The following GRIP1 variants were observed in gnomAD, a reference collection of about 807,000 sequenced individuals.
GRIP1 encodes glutamate receptor-interacting protein 1.
GRIP1 carries 45 observed loss-of-function variants against 129.9 expected under a neutral mutation model. The observed-to-expected ratio is 0.35, with a 90% CI of 0.27 to 0.44. The LOEUF is 0.44. Ranked by LOEUF, GRIP1 falls within the 20% of genes least tolerant of loss-of-function variation. The probability of loss-of-function intolerance (pLI) is 1.00; values close to 1 mark genes in which losing one functional copy is unlikely to be tolerated. For synonymous variants in GRIP1, 530 were observed against 520.8 expected (o/e 1.02, Z -0.24); for missense variants, 1,196 against 1,396.8 (o/e 0.86, Z 2.29).
intron 1 of GRIP1, among the ~76,000 whole-genome samples, chr12:67,022,092 T>A (rs2042875975): frequency 6.6e-6 from 1 of 152,204 alleles, no homozygotes; most frequent in South Asian, 2.1e-4. Flanking sequence ...TTAGCTATTG[T>A]GAATAATGCT....
intron 1 of GRIP1, among the ~76,000 whole-genome samples, chr12:66,809,601 C>T (rs1378478236): frequency 2.0e-5 from 3 of 151,996 alleles, no homozygotes; most frequent in African/African-American, 4.8e-5. Context: ...AATATCCCTT[C>T]TTACTAACTG....
intron 18 of GRIP1, 75 bp from the exon 19 acceptor site, chr12:66,392,577 A>G: frequency 6.4e-7 from 1 of 1,571,360 alleles, no homozygotes; most frequent in African/African-American, 1.3e-5. Flanking sequence ...CCGTGGCTAG[A>G]GATTTGTTTC....
chr12:66,739,736 C>G (rs540492263), intron 1 of GRIP1, among the ~76,000 whole-genome samples: 71 of 150,134 alleles, frequency 4.7e-4, no homozygotes, highest in African/African-American at 1.7e-3. Context: ...TATCCCAGAA[C>G]CTAAAATAAA....
At chr12:66,367,112 C>G (rs1027401) in intron 23 of GRIP1, among the ~76,000 whole-genome samples, 76,816 of 152,090 alleles carry the variant, frequency 0.51, 19,999 homozygotes, top group East Asian at 0.75. Flanking sequence ...ATTAAGTGGA[C>G]ACCAAAGGAT....
At chr12:66,353,382 C>A in intron 24 of GRIP1, 35 bp downstream of exon 24, 4 of 1,515,876 alleles carry the variant, frequency 2.6e-6, no homozygotes, top group Non-Finnish European at 3.7e-6. Context: ...TGAGAAATTA[C>A]TTGCAAGGAA....
At chr12:67,019,410 G>A (rs914014401) in intron 1 of GRIP1, among the ~76,000 whole-genome samples, 6 of 152,290 alleles carry the variant, frequency 3.9e-5, no homozygotes, top group Non-Finnish European at 8.8e-5. Context: ...GGCCCTGACT[G>A]CACAGAACTG....
intron 2 of GRIP1, among the ~76,000 whole-genome samples, chr12:66,545,696 A>G (rs1324076673): frequency 6.6e-6 from 1 of 152,230 alleles, no homozygotes; most frequent in Non-Finnish European, 1.5e-5. Flanking sequence ...ACACTGAACA[A>G]AATGGATACT....
intron 2 of GRIP1, among the ~76,000 whole-genome samples, chr12:66,574,066 G>A (rs748448523): frequency 2.0e-5 from 3 of 152,048 alleles, no homozygotes; most frequent in Non-Finnish European, 4.4e-5. Context: ...AGTTGTTTTT[G>A]CTGTTCTCTT....
At chr12:66,359,750 T>A (rs1041154674) in intron 23 of GRIP1, among the ~76,000 whole-genome samples, 3 of 152,138 alleles carry the variant, frequency 2.0e-5, no homozygotes, top group African/African-American at 7.2e-5. Context: ...TTAACAAAAA[T>A]AAAATTATTT....
chr12:66,856,742 TGGA>T (rs1474289917), intron 1 of GRIP1, among the ~76,000 whole-genome samples: 53 of 151,648 alleles, frequency 3.5e-4, no homozygotes, highest in African/African-American at 1.3e-3. Flanking sequence ...GGAGAGGATG[TGGA>T]GAAATAGGAA....
intron 9 of GRIP1, among the ~76,000 whole-genome samples, chr12:66,461,532 T>C (rs1317034379): frequency 1.3e-5 from 2 of 152,244 alleles, no homozygotes; most frequent in East Asian, 3.8e-4. Flanking sequence ...GCATTGCTAT[T>C]CCAATACTGT....
rs540359264 is a variant in GRIP1 at position 66,526,138 on chromosome 12, A to G, written c.502+3693T>C. The stretch of plus-strand genomic sequence containing the variant: ...TTATAGATTCAATGCCATCCCCAAC[A>G]AGCTACCAATGACTTTCTTCACAGA... On this transcript the variant is annotated intron_variant, in intron 5 of 24. Coordinates refer to ENST00000359742, the MANE Select transcript of GRIP1 (RefSeq NM_001366722.1). 5.9e-5 allele frequency among the ~76,000 whole-genome samples: 9 copies of G among 151,770 alleles called. No homozygotes were observed. In the South Asian group the frequency reaches 1.3e-3, roughly 21 times the overall value.
chr12:66,843,883 A>G lies in GRIP1; in HGVS notation c.58+225167T>C, dbSNP rs531349837. 2.0e-5 allele frequency among the ~76,000 whole-genome samples: 3 copies of G among 152,296 alleles called. No individual in the cohort carries two copies. In the South Asian group the frequency reaches 6.2e-4, roughly 32 times the overall value. On this transcript the variant is annotated intron_variant, in intron 1 of 1. Coordinates refer to the GRIP1 transcript ENST00000643019. Reference sequence around the variant, plus strand: ...AAACTCAGAGAAAAAGTTTTATGACATTAAATTTGAAAATGACTTCTTGGA... The same window carrying G: ...AAACTCAGAGAAAAAGTTTTATGACGTTAAATTTGAAAATGACTTCTTGGA...
At chr12:66,743,820 C>T (rs1565998893) in intron 1 of GRIP1, among the ~76,000 whole-genome samples, 2 of 152,186 alleles carry the variant, frequency 1.3e-5, no homozygotes, top group Admixed American at 6.5e-5. Context: ...GCCACAAGGG[C>T]TACAGCTATG....
intron 1 of GRIP1, among the ~76,000 whole-genome samples, chr12:66,919,344 C>T (rs1380942995): frequency 1.3e-5 from 2 of 152,162 alleles, no homozygotes; most frequent in South Asian, 2.1e-4. Flanking sequence ...GATTATTATA[C>T]TCCTTAGGGA....
chr12:66,556,243 A>G (rs541334434), intron 2 of GRIP1, among the ~76,000 whole-genome samples: 2 of 152,280 alleles, frequency 1.3e-5, no homozygotes, highest in African/African-American at 2.4e-5. Flanking sequence ...TTTCAATGGA[A>G]ATCTTACAGG....
intron 7 of GRIP1, among the ~76,000 whole-genome samples, chr12:66,510,871 T>C (rs1185250535): frequency 6.6e-6 from 1 of 152,170 alleles, no homozygotes; most frequent in Non-Finnish European, 1.5e-5. Context: ...ACCAAAGCCA[T>C]AAGCATGTCT....
Position 66,515,517 on chromosome 12 carries a change from C to G in GRIP1, c.724+102G>C, listed in dbSNP as rs2060819615. The G allele has an allele frequency of 5.7e-6, 6 of 1,045,200 alleles. No homozygotes were observed. The Admixed American group carries it at 1.0e-4, about 18-fold the overall frequency. The allele number at this position is 1,045,200 out of a possible 1,614,324, so 64.7% of individuals were successfully genotyped here. On this transcript the variant is annotated intron_variant, in intron 7 of 24. Transcript: ENST00000359742. ...ATAGTATTTATGAATTCTGTCTGCT[C>G]CAGGAGGGCATGACAATACATACTT...
intron 7 of GRIP1, among the ~76,000 whole-genome samples, chr12:66,480,956 C>G (rs1429375712): frequency 6.6e-6 from 1 of 152,100 alleles, no homozygotes; most frequent in Non-Finnish European, 1.5e-5. Context: ...ATTATCAAAA[C>G]TCTAGAAGAA....
Sources: gnomAD v4.1 joint callset for allele counts (sites outside exome capture counted in the v4.1 genomes callset) on GRCh38, gnomAD v4.1.1 for gene constraint, MANE v1.5 for transcripts, NCBI Gene and HGNC (gene_info 2026-07-23, HGNC 2026-07-21) for gene names.